Variants in GRHL2 observed in about 807,000 individuals in gnomAD.
GRHL2 encodes grainyhead like transcription factor 2.
A neutral mutation model predicts 83.8 loss-of-function variants in GRHL2; 21 were observed. The ratio of observed to expected loss-of-function variants is 0.25; its 90% CI spans 0.18 to 0.36. The LOEUF (loss-of-function observed/expected upper bound fraction) is 0.36, where lower values mean the gene tolerates loss of function less well. GRHL2 is among the 10% of genes least tolerant of loss of function. The pLI is 1.00. For synonymous variants in GRHL2, 280 were observed against 278.9 expected, an observed-to-expected ratio of 1.00 and a Z score of -0.04; for missense variants, 623 against 781.8, an observed-to-expected ratio of 0.80 and a Z score of 2.42.
intron 12 of GRHL2, among the ~76,000 whole-genome samples, chr8:101,639,157 C>G (rs563234499): frequency 3.3e-5 from 5 of 152,194 alleles, no homozygotes; most frequent in African/African-American, 1.2e-4. Flanking sequence ...AGATGGCCAT[C>G]GACCTACTTG....
chr8:101,666,879 T>G lies in GRHL2; in HGVS notation c.*176T>G. ...CCCCACTGTCGGTGTGCTTGGCCCA[T>G]CCACTGGCACCTACCACGGAGCTGA... On this transcript the variant is annotated 3_prime_UTR_variant, in exon 16 of 16. Transcript: ENST00000646743. The G allele has an allele frequency of 7.5e-6, 5 of 665,530 alleles. 1 individual carries two copies. The South Asian group carries it at 8.3e-5, about 11-fold the overall frequency. The allele number at this position is 665,530 out of a possible 1,614,324, so 41.2% of individuals were successfully genotyped here.
intron 1 of GRHL2, among the ~76,000 whole-genome samples, chr8:101,532,740 C>T (rs867290606): frequency 6.9e-6 from 1 of 145,054 alleles, no homozygotes; most frequent in Non-Finnish European, 1.5e-5. Context: ...GGGGACAGAG[C>T]GAGACTCCAT....
At chr8:101,510,171 A>G (rs1810434466) in intron 1 of GRHL2, among the ~76,000 whole-genome samples, 1 of 151,882 alleles carries the variant, frequency 6.6e-6, no homozygotes, top group Admixed American at 6.6e-5. Context: ...TGAATTTTGT[A>G]TTTTTTGTAG....
intron 8 of GRHL2, among the ~76,000 whole-genome samples, chr8:101,603,693 CAG>C (rs1355411127): frequency 6.6e-6 from 1 of 152,212 alleles, no homozygotes; most frequent in African/African-American, 2.4e-5. Context: ...GGTTGTGAGA[CAG>C]AGTCTTTCTG....
intron 1 of GRHL2, among the ~76,000 whole-genome samples, chr8:101,511,277 C>A (rs1299153418): frequency 3.3e-5 from 5 of 152,082 alleles, no homozygotes; most frequent in Admixed American, 1.3e-4. Flanking sequence ...AGAAGCGGAA[C>A]CTTTGGGGCA....
chr8:101,492,623 AG>A lies in GRHL2; in HGVS notation c.-141del, dbSNP rs1233921993. The A allele has an allele frequency of 1.3e-6, 1 of 765,208 alleles. No homozygotes were observed. Among genetic ancestry groups the A allele is most frequent in the Non-Finnish European group, 2.4e-6 (1 of 418,608 alleles). 47.4% of individuals were successfully genotyped at this position (765,208 alleles called of 1,614,324 possible). On this transcript the variant is annotated 5_prime_UTR_variant, in exon 1 of 16. Coordinates refer to ENST00000646743, the MANE Select transcript of GRHL2 (RefSeq NM_024915.4). Reference sequence around the variant, plus strand: ...AGCGGGCGAGCGAGCGAGAGTGGTGAGGGGGGACGGAAAAGCAGAATTACCT... The same window carrying A: ...AGCGGGCGAGCGAGCGAGAGTGGTGAGGGGGACGGAAAAGCAGAATTACCT...
intron 4 of GRHL2, among the ~76,000 whole-genome samples, chr8:101,559,447 T>C (rs567142413): frequency 5.9e-5 from 9 of 151,408 alleles, no homozygotes; most frequent in African/African-American, 2.2e-4. Flanking sequence ...GGAGAATCGC[T>C]TCAACCCGGG....
At chr8:101,498,868 G>A (rs534143441) in intron 1 of GRHL2, among the ~76,000 whole-genome samples, 55 of 152,206 alleles carry the variant, frequency 3.6e-4, no homozygotes, top group African/African-American at 1.3e-3. Context: ...GAGGTCAGGA[G>A]ATCGAGACCA....
In GRHL2 at chr8:101,551,222, AT is replaced by A. The variant is rs1399564413; in HGVS notation, c.217-1487del. Among the ~76,000 whole-genome samples the A allele has an allele frequency of 2.6e-5, 4 of 152,204 alleles. No homozygotes were observed. In the East Asian group the frequency reaches 5.8e-4, roughly 22 times the overall value. On this transcript the variant is annotated intron_variant, in intron 2 of 15. Coordinates refer to ENST00000646743, the MANE Select transcript of GRHL2 (RefSeq NM_024915.4). Reference sequence around the variant, plus strand: ...GAATGATTTATAATTGATTTATTTTATTTTTTATTAACAAATATAAAGTACC... The same window carrying A: ...GAATGATTTATAATTGATTTATTTTATTTTTATTAACAAATATAAAGTACC...
At chr8:101,625,152 G>A (rs1813056629) in intron 9 of GRHL2, among the ~76,000 whole-genome samples, 1 of 152,026 alleles carries the variant, frequency 6.6e-6, no homozygotes, top group African/African-American at 2.4e-5. Flanking sequence ...AGGGGAGATT[G>A]TAGAATCCCC....
chr8:101,547,678 G>A (rs1338317483), intron 2 of GRHL2, among the ~76,000 whole-genome samples: 1 of 152,152 alleles, frequency 6.6e-6, no homozygotes, highest in Non-Finnish European at 1.5e-5. Context: ...TTTCCTAATA[G>A]CCATTGTTTT....
At chr8:101,673,174 T>C (rs1286005491), downstream of GRHL2, among the ~76,000 whole-genome samples, 4 of 150,900 alleles carry the variant, frequency 2.7e-5, no homozygotes, top group Non-Finnish European at 5.9e-5. Context: ...GCTAACATCA[T>C]AAGGACAGGA....
chr8:101,509,893 C>G (rs931403842), intron 1 of GRHL2, among the ~76,000 whole-genome samples: 4 of 152,120 alleles, frequency 2.6e-5, no homozygotes, highest in African/African-American at 9.7e-5. Flanking sequence ...CAACCACTTG[C>G]AAGCAACAAA....
At chr8:101,519,505 C>A (rs185232458) in intron 1 of GRHL2, among the ~76,000 whole-genome samples, 2 of 151,850 alleles carry the variant, frequency 1.3e-5, no homozygotes, top group Non-Finnish European at 2.9e-5. Flanking sequence ...TTTAAGCAAT[C>A]CTCCTGCCTC....
intron 14 of GRHL2, among the ~76,000 whole-genome samples, chr8:101,651,599 C>T (rs532288390): frequency 6.6e-6 from 1 of 152,310 alleles, no homozygotes; most frequent in African/African-American, 2.4e-5. Context: ...CTCAATGTCA[C>T]CTTCGATCCC....
Position 101,540,239 on chromosome 8 carries a change from A to G in GRHL2, c.21-3002A>G, listed in dbSNP as rs117609036. Among the ~76,000 whole-genome samples, 33 of 152,342 alleles carry G rather than the reference A, an allele frequency of 2.2e-4. No homozygotes were observed. The East Asian group carries it at 6.2e-3, about 28-fold the overall frequency. On this transcript the variant is annotated intron_variant, in intron 1 of 15. Coordinates refer to ENST00000646743, the MANE Select transcript of GRHL2 (RefSeq NM_024915.4). ...TTATCAATTATTTTATTTGATCTTC[A>G]TAAGCACATTGTAAGGTAAGTAGGC...
intron 7 of GRHL2, among the ~76,000 whole-genome samples, chr8:101,592,100 C>CT (rs11382067): frequency 0.69 from 61,384 of 89,424 alleles, 21,569 homozygotes; most frequent in Admixed American, 0.74. Flanking sequence ...TCTTTCTTTT[C>CT]TTTTTTTTTT....
intron 3 of GRHL2, among the ~76,000 whole-genome samples, chr8:101,553,645 T>C (rs1045852577): frequency 3.5e-5 from 5 of 141,750 alleles, no homozygotes; most frequent in Non-Finnish European, 7.4e-5. Context: ...TTTTTTTTTT[T>C]TGAGACGGAG....
intron 1 of GRHL2, among the ~76,000 whole-genome samples, chr8:101,526,388 TA>T (rs1164813946): frequency 1.3e-5 from 2 of 152,232 alleles, no homozygotes; most frequent in African/African-American, 4.8e-5. Context: ...TTGACTGAGT[TA>T]TTTGGATTTT....
Sources: allele counts gnomAD v4.1 joint callset (sites outside exome capture counted in the v4.1 genomes callset), GRCh38; gene constraint gnomAD v4.1.1; transcripts MANE v1.5; gene names NCBI Gene and HGNC (gene_info 2026-07-23, HGNC 2026-07-21).